The following NEO1 variants were observed in gnomAD, a reference collection of about 807,000 sequenced individuals.
The protein encoded by NEO1 is neogenin 1, also known as neogenin.
A neutral mutation model predicts 159.7 loss-of-function variants in NEO1; 63 were observed. The observed-to-expected ratio is 0.39, with a 90% CI of 0.32 to 0.49. The LOEUF (loss-of-function observed/expected upper bound fraction) is 0.49, where lower values mean the gene tolerates loss of function less well. Among genes scored for constraint, NEO1 ranks in the 20% least tolerant of loss-of-function variants. The probability of loss-of-function intolerance (pLI) is 0.85; values close to 1 mark genes in which losing one functional copy is unlikely to be tolerated. For synonymous variants in NEO1, 633 were observed against 662.0 expected (o/e 0.96, Z 0.67); for missense variants, 1,615 against 1,831.0 (o/e 0.88, Z 2.15).
intron 5 of NEO1, among the ~76,000 whole-genome samples, chr15:73,156,995 G>A (rs2033828960): frequency 6.6e-6 from 1 of 152,196 alleles, no homozygotes. Flanking sequence ...CACAGATGTG[G>A]CTTGTGTAAG....
intron 1 of NEO1, among the ~76,000 whole-genome samples, chr15:73,096,521 T>A (rs971330531): frequency 6.6e-6 from 1 of 152,164 alleles, no homozygotes; most frequent in Non-Finnish European, 1.5e-5. Flanking sequence ...GGCAACGGTT[T>A]TTTGGGATGG....
At chr15:73,124,716 A>G (rs1281427778) in intron 3 of NEO1, among the ~76,000 whole-genome samples, 1 of 152,014 alleles carries the variant, frequency 6.6e-6, no homozygotes, top group Non-Finnish European at 1.5e-5. Flanking sequence ...TTCCACCCCC[A>G]GTGTTTTCTC....
intron 13 of NEO1, among the ~76,000 whole-genome samples, chr15:73,258,074 T>A (rs2040451777): frequency 6.6e-6 from 1 of 152,254 alleles, no homozygotes; most frequent in African/African-American, 2.4e-5. Flanking sequence ...TTCTCAGTAC[T>A]GTTGCCCTGG....
intron 26 of NEO1, among the ~76,000 whole-genome samples, chr15:73,294,833 C>T (rs62015484): frequency 0.28 from 42,897 of 151,962 alleles, 7,697 homozygotes; most frequent in Non-Finnish European, 0.4. Flanking sequence ...AGCTACCGCG[C>T]CCGGTCCCCA....
chr15:73,209,657 C>A (rs994725536), intron 7 of NEO1, among the ~76,000 whole-genome samples: 1 of 152,068 alleles, frequency 6.6e-6, no homozygotes, highest in Non-Finnish European at 1.5e-5. Flanking sequence ...GAATGGTAGA[C>A]ACACCATTAG....
chr15:73,238,610 T>A (rs971202232), intron 8 of NEO1, among the ~76,000 whole-genome samples: 5 of 151,828 alleles, frequency 3.3e-5, no homozygotes, highest in African/African-American at 1.2e-4. Context: ...TAGAAATGAT[T>A]TTTATCATTT....
chr15:73,123,267 C>T (rs192548294), intron 3 of NEO1, among the ~76,000 whole-genome samples: 301 of 152,194 alleles, frequency 2.0e-3, no homozygotes, highest in Non-Finnish European at 3.7e-3. Flanking sequence ...AGAAGATCCA[C>T]TCTTTAGGGA....
chr15:73,275,862 A>G (rs1055168239), intron 21 of NEO1, among the ~76,000 whole-genome samples: 7 of 152,164 alleles, frequency 4.6e-5, no homozygotes, highest in Non-Finnish European at 1.0e-4. Context: ...ATGAACATTA[A>G]AAGTAAATTT....
chr15:73,098,650 C>G (rs934854842), intron 1 of NEO1, among the ~76,000 whole-genome samples: 4 of 152,144 alleles, frequency 2.6e-5, no homozygotes, highest in Non-Finnish European at 5.9e-5. Context: ...CAACATGTCT[C>G]TTATTGAGGG....
intron 12 of NEO1, 77 bp downstream of exon 12, chr15:73,253,526 T>A: frequency 1.0e-6 from 1 of 979,550 alleles, no homozygotes; most frequent in Non-Finnish European, 1.5e-6. Flanking sequence ...AAAGGGAGAT[T>A]CTGTAGGAAA....
At chr15:73,218,375 G>T (rs921122482) in intron 7 of NEO1, among the ~76,000 whole-genome samples, 31 of 151,346 alleles carry the variant, frequency 2.0e-4, no homozygotes, top group African/African-American at 7.3e-4. Context: ...AAGGATATTG[G>T]TCTAAAATTC....
At chr15:73,219,882 G>A (rs1281544503) in intron 7 of NEO1, among the ~76,000 whole-genome samples, 2 of 151,060 alleles carry the variant, frequency 1.3e-5, no homozygotes, top group South Asian at 4.3e-4. Flanking sequence ...TATCCAATTT[G>A]CCAGTCTGTG....
In NEO1 at chr15:73,302,777, T is replaced by G; in HGVS notation, c.*81T>G. 7.7e-7 allele frequency: 1 copy of G among 1,302,488 alleles called. No homozygotes were observed. Among genetic ancestry groups the G allele is most frequent in the East Asian group, 2.5e-5 (1 of 40,430 alleles). 80.7% of individuals were successfully genotyped at this position (1,302,488 alleles called of 1,614,324 possible). A position where few individuals can be genotyped will look rare whatever the true frequency, so the allele number is the denominator to read the frequency against. ...CTTGAAAACAAGGAATTGTACAGAGTACGAGAGGACAGCACTTGAGAACAC... is the reference window on the plus strand; with the variant it reads ...CTTGAAAACAAGGAATTGTACAGAGGACGAGAGGACAGCACTTGAGAACAC... On this transcript the variant is annotated 3_prime_UTR_variant, in exon 29 of 29. Transcript: ENST00000261908.
intron 15 of NEO1, among the ~76,000 whole-genome samples, chr15:73,262,080 A>G (rs2040642661): frequency 1.3e-5 from 2 of 152,146 alleles, no homozygotes; most frequent in Admixed American, 1.3e-4. Context: ...TGAGAAAGAA[A>G]AGGAACTTTA....
At position 73,264,378 on chromosome 15, in the gene NEO1, G is replaced by A. The variant is rs532485219; in HGVS notation, c.2399-1938G>A. Among the ~76,000 whole-genome samples the A allele has an allele frequency of 2.6e-5, 4 of 152,318 alleles. No homozygotes were observed. In the East Asian group the frequency reaches 7.7e-4, roughly 29 times the overall value. On this transcript the variant is annotated intron_variant, in intron 15 of 28. Coordinates refer to ENST00000261908, the MANE Select transcript of NEO1 (RefSeq NM_002499.4). The stretch of plus-strand genomic sequence containing the variant: ...TGAAGTGAATTTTGTTCAGAGAAGG[G>A]AGAACGCTATAGCAAGACACAGTAG...
At chr15:73,221,514 T>C (rs2038261745) in intron 7 of NEO1, among the ~76,000 whole-genome samples, 2 of 152,260 alleles carry the variant, frequency 1.3e-5, no homozygotes. Context: ...TTTGTTTGTC[T>C]GTGCCCTGCC....
At chr15:73,135,859 G>A in intron 4 of NEO1, 32 bp from the exon 5 acceptor site, 2 of 1,301,532 alleles carry the variant, frequency 1.5e-6, no homozygotes, top group Non-Finnish European at 1.0e-6. Context: ...GTACTGAAAT[G>A]TATCTTTTTT....
intron 7 of NEO1, among the ~76,000 whole-genome samples, chr15:73,183,067 G>T (rs1043524626): frequency 3.3e-5 from 5 of 152,112 alleles, no homozygotes; most frequent in Non-Finnish European, 5.9e-5. Flanking sequence ...GACAGAATGG[G>T]AGTTTACACT....
intron 7 of NEO1, among the ~76,000 whole-genome samples, chr15:73,213,368 TCACC>T (rs1213841494): frequency 6.6e-6 from 1 of 152,202 alleles, no homozygotes; most frequent in Non-Finnish European, 1.5e-5. Context: ...GGTTCACCCA[TCACC>T]TGAACAGTAT....
Sources: gnomAD v4.1 joint callset for allele counts (sites outside exome capture counted in the v4.1 genomes callset) on GRCh38, gnomAD v4.1.1 for gene constraint, MANE v1.5 for transcripts, NCBI Gene and HGNC (gene_info 2026-07-23, HGNC 2026-07-21) for gene names.